Variants in CDYL observed in about 807,000 individuals in gnomAD.
The protein encoded by CDYL is chromodomain Y-like protein.
CDYL carries 8 observed loss-of-function variants against 47.3 expected under a neutral mutation model. The observed-to-expected ratio is 0.17, with a 90% confidence interval of 0.10 to 0.31. CDYL has a LOEUF of 0.31. Among genes scored for constraint, CDYL ranks in the 10% least tolerant of loss-of-function variants. The pLI, the probability that CDYL is intolerant of heterozygous loss-of-function variation, is 1.00. For synonymous variants in CDYL, 266 were observed against 265.0 expected (o/e 1.00, Z -0.04); for missense variants, 471 against 701.4 (o/e 0.67, Z 3.71).
chr6:4,788,392 A>G (rs1469774305), intron 1 of CDYL, among the ~76,000 whole-genome samples: 4 of 148,306 alleles, frequency 2.7e-5, no homozygotes, highest in Non-Finnish European at 5.9e-5. Flanking sequence ...CTGAGGCAGG[A>G]GAATCACTTG....
chr6:4,783,442 G>A (rs551014688), intron 1 of CDYL, among the ~76,000 whole-genome samples: 2 of 147,014 alleles, frequency 1.4e-5, no homozygotes, highest in African/African-American at 5.1e-5. Flanking sequence ...TTGAGGTGGC[G>A]TTTCACTCTT....
Position 4,801,260 on chromosome 6 carries a change from T to C in CDYL, c.24+24453T>C, listed in dbSNP as rs371228551. Among the ~76,000 whole-genome samples the C allele has an allele frequency of 3.3e-5, 5 of 152,234 alleles. No homozygotes were observed. The South Asian group carries it at 6.2e-4, about 19-fold the overall frequency. On this transcript the variant is annotated intron_variant, in intron 1 of 6. Coordinates refer to ENST00000397588, the MANE Select transcript of CDYL (RefSeq NM_004824.4). ...GAGATTGCCATATCTGTTCACTTAT[T>C]GATACCATATTTTCCTTCAATTCTT...
chr6:4,797,721 A>G (rs1364758985), intron 1 of CDYL, among the ~76,000 whole-genome samples: 1 of 152,198 alleles, frequency 6.6e-6, no homozygotes, highest in Non-Finnish European at 1.5e-5. Flanking sequence ...TTCACTTAGC[A>G]GAATGTTTCC....
intron 2 of CDYL, among the ~76,000 whole-genome samples, chr6:4,892,682 C>T (rs1762085161): frequency 6.6e-6 from 1 of 152,008 alleles, no homozygotes; most frequent in Non-Finnish European, 1.5e-5. Flanking sequence ...GTTTCTGAAG[C>T]TGTCTACCTT....
chr6:4,718,002 C>T (rs1381256737), intron 2 of CDYL, among the ~76,000 whole-genome samples: 1 of 151,908 alleles, frequency 6.6e-6, no homozygotes, highest in East Asian at 1.9e-4. Flanking sequence ...CATGCCACCA[C>T]ACCCGGCTGA....
chr6:4,763,477 A>G (rs1758206632), intron 3 of CDYL, among the ~76,000 whole-genome samples: 1 of 152,114 alleles, frequency 6.6e-6, no homozygotes, highest in Non-Finnish European at 1.5e-5. Context: ...GGTCAGTAGG[A>G]CATGGAATAA....
intron 1 of CDYL, among the ~76,000 whole-genome samples, chr6:4,883,977 G>A (rs996194333): frequency 1.3e-5 from 2 of 152,188 alleles, no homozygotes; most frequent in South Asian, 2.1e-4. Flanking sequence ...GCCCCCCAGA[G>A]GGATCATTGA....
chr6:4,859,292 G>A (rs1434615681), intron 1 of CDYL, among the ~76,000 whole-genome samples: 1 of 151,746 alleles, frequency 6.6e-6, no homozygotes, highest in Non-Finnish European at 1.5e-5. Context: ...TGAGCTGTGT[G>A]CTTCTACTTG....
At chr6:4,946,271 T>G (rs1009606207) in intron 5 of CDYL, among the ~76,000 whole-genome samples, 21 of 151,996 alleles carry the variant, frequency 1.4e-4, no homozygotes, top group Non-Finnish European at 5.9e-5. Flanking sequence ...CGCTTCCCAT[T>G]CCTCCACCCA....
chr6:4,911,226 CAT>C lies in CDYL; in HGVS notation c.691+18850_691+18851del, dbSNP rs201834819. On this transcript the variant is annotated intron_variant, in intron 2 of 6. Coordinates refer to ENST00000397588, the MANE Select transcript of CDYL (RefSeq NM_004824.4). ...ATGTCATGACAAACTGAAATGAAAA[CAT>C]ATTAAAGCCAGGGTTATGGTTAGTC... is the stretch of plus-strand genomic sequence containing the variant. Among the ~76,000 whole-genome samples, 1,402 of 152,272 alleles carry C rather than the reference CAT, an allele frequency of 9.2e-3. 27 individuals are homozygous for C. The highest frequency in any genetic ancestry group is 0.033 in the African/African-American group (1,350 of 41,528).
intron 2 of CDYL, among the ~76,000 whole-genome samples, chr6:4,920,759 T>G (rs1470081914): frequency 6.6e-6 from 1 of 152,148 alleles, no homozygotes; most frequent in Non-Finnish European, 1.5e-5. Context: ...GGGATTACAG[T>G]CACGCGCCAC....
chr6:4,839,070 A>G (rs1239291657), intron 1 of CDYL, among the ~76,000 whole-genome samples: 1 of 152,130 alleles, frequency 6.6e-6, no homozygotes. Context: ...TTTTTACCAC[A>G]TCCACACCAA....
chr6:4,768,438 G>A (rs985921626), intron 3 of CDYL, among the ~76,000 whole-genome samples: 2 of 152,132 alleles, frequency 1.3e-5, no homozygotes, highest in African/African-American at 2.4e-5. Context: ...ACCGCCTCAT[G>A]ATGAGAGTAT....
At chr6:4,950,789 G>A (rs755240511) in intron 5 of CDYL, among the ~76,000 whole-genome samples, 16 of 152,070 alleles carry the variant, frequency 1.1e-4, no homozygotes, top group South Asian at 8.3e-4. Context: ...AAAATTAGCC[G>A]GGCGTGGTGG....
intron 1 of CDYL, among the ~76,000 whole-genome samples, chr6:4,847,387 G>A (rs1279204288): frequency 6.6e-6 from 1 of 152,182 alleles, no homozygotes; most frequent in African/African-American, 2.4e-5. Flanking sequence ...CAGCTAAGGA[G>A]CTGCTGTTGT....
At chr6:4,908,049 G>A (rs900483021) in intron 2 of CDYL, among the ~76,000 whole-genome samples, 3 of 152,190 alleles carry the variant, frequency 2.0e-5, no homozygotes, top group Admixed American at 2.0e-4. Context: ...CTCATGGGCT[G>A]TCATTCCTCA....
intron 1 of CDYL, among the ~76,000 whole-genome samples, chr6:4,876,847 T>C (rs557439683): frequency 6.0e-4 from 92 of 152,338 alleles, no homozygotes; most frequent in African/African-American, 1.9e-3. Flanking sequence ...GAATGCTGTG[T>C]TCTGAATGTT....
intron 1 of CDYL, among the ~76,000 whole-genome samples, chr6:4,783,097 C>G (rs1319817701): frequency 1.3e-5 from 2 of 152,090 alleles, no homozygotes; most frequent in Non-Finnish European, 2.9e-5. Flanking sequence ...TTATTTTATA[C>G]AACCTTTCTT....
chr6:4,815,399 G>A (rs1759642810), intron 1 of CDYL, among the ~76,000 whole-genome samples: 1 of 152,114 alleles, frequency 6.6e-6, no homozygotes, highest in Non-Finnish European at 1.5e-5. Flanking sequence ...GAGCCTCATA[G>A]TTTTATTCCT....
Sources: gnomAD v4.1 joint callset for allele counts (sites outside exome capture counted in the v4.1 genomes callset) on GRCh38, gnomAD v4.1.1 for gene constraint, MANE v1.5 for transcripts, NCBI Gene and HGNC (gene_info 2026-07-23, HGNC 2026-07-21) for gene names.